Variants in TRHDE observed in about 807,000 individuals in gnomAD.
TRHDE encodes thyrotropin-releasing hormone-degrading ectoenzyme.
A neutral mutation model predicts 125.7 loss-of-function variants in TRHDE; 72 were observed. That is an observed-to-expected ratio of 0.57 (90% confidence interval 0.47 to 0.70). The LOEUF (loss-of-function observed/expected upper bound fraction) is 0.70, where lower values mean the gene tolerates loss of function less well. Among genes scored for constraint, TRHDE ranks in the 30% least tolerant of loss-of-function variants. The probability of loss-of-function intolerance (pLI) is 0.00; values close to 1 mark genes in which losing one functional copy is unlikely to be tolerated. For missense variants in TRHDE, 1,110 were observed against 1,327.1 expected (o/e 0.84, Z 2.54); for synonymous variants, 509 against 509.1 (o/e 1.00, Z 0.00).
intron 10 of TRHDE, among the ~76,000 whole-genome samples, chr12:72,570,634 T>C (rs1480966278): frequency 8.7e-6 from 1 of 114,658 alleles, no homozygotes; most frequent in South Asian, 2.7e-4. Flanking sequence ...CCTTGACCAA[T>C]AGCCACGGGT....
chr12:72,261,164 T>C (rs1878942457), intron 2 of TRHDE, among the ~76,000 whole-genome samples: 1 of 152,184 alleles, frequency 6.6e-6, no homozygotes, highest in South Asian at 2.1e-4. Context: ...AGGAAGTAGA[T>C]AATGATTTTC....
intron 5 of TRHDE, among the ~76,000 whole-genome samples, chr12:72,497,771 A>G (rs911955492): frequency 6.6e-6 from 1 of 152,088 alleles, no homozygotes; most frequent in Non-Finnish European, 1.5e-5. Context: ...ATTTTTTCTT[A>G]TTCTCTAAGA....
At chr12:72,424,957 GA>G (rs967518049) in intron 3 of TRHDE, among the ~76,000 whole-genome samples, 4 of 151,342 alleles carry the variant, frequency 2.6e-5, no homozygotes, top group African/African-American at 7.3e-5. Context: ...TCACAGAAAG[GA>G]AAAAAAAGTC....
At chr12:72,161,498 A>ACAT (rs1292755532) in intron 2 of TRHDE, among the ~76,000 whole-genome samples, 1 of 152,134 alleles carries the variant, frequency 6.6e-6, no homozygotes, top group Non-Finnish European at 1.5e-5. Context: ...TGTTAGCTAT[A>ACAT]CATCAGTATG....
At chr12:72,596,235 A>G (rs11830067) in intron 12 of TRHDE, among the ~76,000 whole-genome samples, 2,373 of 152,274 alleles carry the variant, frequency 0.016, 63 homozygotes, top group African/African-American at 0.054. Flanking sequence ...GTTTTGATAA[A>G]TGGATAGAGG....
intron 3 of TRHDE, among the ~76,000 whole-genome samples, chr12:72,422,158 G>A (rs369501272): frequency 6.6e-6 from 1 of 152,052 alleles, no homozygotes; most frequent in Admixed American, 6.6e-5. Flanking sequence ...AAATGTAGTG[G>A]TTTCTTTTCA....
At chr12:72,388,231 A>C (rs1429418472) in intron 3 of TRHDE, among the ~76,000 whole-genome samples, 1 of 152,050 alleles carries the variant, frequency 6.6e-6, no homozygotes, top group Non-Finnish European at 1.5e-5. Context: ...GTCTTCTCTG[A>C]TCCCTCTGTT....
intron 3 of TRHDE, among the ~76,000 whole-genome samples, chr12:72,423,631 G>T (rs1038900347): frequency 6.6e-6 from 1 of 152,134 alleles, no homozygotes; most frequent in Non-Finnish European, 1.5e-5. Context: ...CTTATCTTGG[G>T]AAACTATGGG....
Position 72,287,453 on chromosome 12 carries a change from T to G in TRHDE, c.1188+499T>G, listed in dbSNP as rs116275452. The stretch of plus-strand genomic sequence containing the variant: ...GTAAAACATAGGATGGAGTTGAAGC[T>G]CTCTGTGTAACCATCCCTTGATCTC... On this transcript the variant is annotated intron_variant, in intron 2 of 18. Coordinates refer to ENST00000261180, the MANE Select transcript of TRHDE (RefSeq NM_013381.3). Among the ~76,000 whole-genome samples, 568 of 152,232 alleles carry G rather than the reference T, an allele frequency of 3.7e-3. 4 individuals are homozygous for G. The highest frequency in any genetic ancestry group is 0.012 in the African/African-American group (517 of 41,556).
At chr12:72,619,181 A>G (rs995144084) in intron 13 of TRHDE, 143 bp downstream of exon 13, 4 of 541,896 alleles carry the variant, frequency 7.4e-6, no homozygotes, top group African/African-American at 2.0e-5. Flanking sequence ...CTGATTGTCT[A>G]TGCAACACAG....
intron 2 of TRHDE, among the ~76,000 whole-genome samples, chr12:72,216,229 A>G (rs911835612): frequency 2.0e-5 from 3 of 152,168 alleles, no homozygotes; most frequent in Non-Finnish European, 4.4e-5. Context: ...CAATTCTATG[A>G]GACTTCTAGG....
At chr12:72,404,957 C>T (rs1873204836) in intron 3 of TRHDE, among the ~76,000 whole-genome samples, 1 of 152,176 alleles carries the variant, frequency 6.6e-6, no homozygotes, top group Non-Finnish European at 1.5e-5. Context: ...ACAATAACTT[C>T]ATAATTAACA....
chr12:72,515,045 T>C (rs1184360931), intron 6 of TRHDE, among the ~76,000 whole-genome samples: 3 of 143,522 alleles, frequency 2.1e-5, no homozygotes, highest in Middle Eastern at 3.3e-3. Context: ...CATTGTTGGA[T>C]ATTTGGGTTG....
intron 2 of TRHDE, among the ~76,000 whole-genome samples, chr12:72,170,520 C>T (rs190098944): frequency 6.6e-6 from 1 of 152,166 alleles, no homozygotes; most frequent in Non-Finnish European, 1.5e-5. Flanking sequence ...CATTGGTCTA[C>T]TTTCTGGAGC....
chr12:72,413,852 T>C (rs1873620059), intron 3 of TRHDE, among the ~76,000 whole-genome samples: 1 of 152,104 alleles, frequency 6.6e-6, no homozygotes, highest in Non-Finnish European at 1.5e-5. Flanking sequence ...AACGTAGCTA[T>C]GCCACTTTCA....
At chr12:72,423,117 C>T (rs1215704336) in intron 3 of TRHDE, among the ~76,000 whole-genome samples, 1 of 152,084 alleles carries the variant, frequency 6.6e-6, no homozygotes, top group African/African-American at 2.4e-5. Context: ...TATGTTAAAA[C>T]TATACTTATT....
intron 15 of TRHDE, among the ~76,000 whole-genome samples, chr12:72,638,375 C>G (rs987398084): frequency 6.6e-6 from 1 of 152,050 alleles, no homozygotes; most frequent in Non-Finnish European, 1.5e-5. Context: ...TCTTCCATCC[C>G]TTTATTTTGA....
chr12:72,103,830 AATTGTCC>A (rs1347101433), intron 1 of TRHDE, among the ~76,000 whole-genome samples: 2 of 152,114 alleles, frequency 1.3e-5, no homozygotes, highest in Non-Finnish European at 2.9e-5. Context: ...GAGGCCAATA[AATTGTCC>A]ATTATTAAGA....
intron 2 of TRHDE, among the ~76,000 whole-genome samples, chr12:72,232,837 C>T (rs775401566): frequency 1.3e-5 from 2 of 152,148 alleles, no homozygotes; most frequent in Non-Finnish European, 2.9e-5. Flanking sequence ...TGTACCCCTC[C>T]CTACAGTTTT....
Sources: allele counts gnomAD v4.1 joint callset (sites outside exome capture counted in the v4.1 genomes callset), GRCh38; gene constraint gnomAD v4.1.1; transcripts MANE v1.5; gene names NCBI Gene and HGNC (gene_info 2026-07-23, HGNC 2026-07-21).